FAM135B: variants seen among roughly 807,000 people sequenced by gnomAD.
FAM135B encodes the protein family with sequence similarity 135 member B.
In FAM135B, 43 loss-of-function variants were observed where a neutral mutation model predicts 127.7. The observed-to-expected ratio is 0.34, with a 90% CI of 0.26 to 0.43. The LOEUF (loss-of-function observed/expected upper bound fraction) is 0.43, where lower values mean the gene tolerates loss of function less well. Among genes scored for constraint, FAM135B ranks in the 20% least tolerant of loss-of-function variants. The pLI is 1.00. For missense variants in FAM135B, 1,558 were observed against 1,725.6 expected, an observed-to-expected ratio of 0.90 and a Z score of 1.72; for synonymous variants, 670 against 665.1, an observed-to-expected ratio of 1.01 and a Z score of -0.11.
chr8:138,289,416 A>G (rs527629540), intron 3 of FAM135B, among the ~76,000 whole-genome samples: 17 of 152,334 alleles, frequency 1.1e-4, no homozygotes, highest in South Asian at 8.3e-4. Flanking sequence ...AAACTCATTC[A>G]CTGAGCTCTG....
chr8:138,345,062 T>G (rs371731643), intron 2 of FAM135B, among the ~76,000 whole-genome samples: 8 of 152,306 alleles, frequency 5.3e-5, no homozygotes, highest in Admixed American at 6.5e-5. Flanking sequence ...GTGTCAGCAA[T>G]GCAGTTGACA....
At chr8:138,237,343 T>C (rs1420511568) in intron 7 of FAM135B, among the ~76,000 whole-genome samples, 1 of 152,024 alleles carries the variant, frequency 6.6e-6, no homozygotes, top group East Asian at 1.9e-4. Flanking sequence ...GTATTTTTAG[T>C]AGAGACGGGG....
At chr8:138,223,825 T>C (rs1819207729) in intron 7 of FAM135B, among the ~76,000 whole-genome samples, 2 of 152,144 alleles carry the variant, frequency 1.3e-5, no homozygotes, top group South Asian at 2.1e-4. Context: ...CAACATGAGG[T>C]CCATATACAA....
chr8:138,319,990 A>C (rs1827345175), intron 2 of FAM135B, among the ~76,000 whole-genome samples: 1 of 152,202 alleles, frequency 6.6e-6, no homozygotes. Context: ...ATCACCAGCC[A>C]AGGGATGCAG....
chr8:138,340,112 G>A (rs960280880), intron 2 of FAM135B, among the ~76,000 whole-genome samples: 3 of 152,280 alleles, frequency 2.0e-5, no homozygotes, highest in South Asian at 4.1e-4. Context: ...TGTCTATGGA[G>A]AGCAGGTCAC....
In FAM135B at chr8:138,474,940, G is replaced by A. The variant is rs10105770; in HGVS notation, c.-20+21731C>T. ...ACATACTACTAATCCTTAACCACCC[G>A]GTTCATTGTCAGCCTCTTGCAGGAT... On this transcript the variant is annotated intron_variant, in intron 1 of 19. Transcript: ENST00000395297. Among the ~76,000 whole-genome samples the A allele has an allele frequency of 1.2e-3, 184 of 152,150 alleles. 1 individual carries two copies. The highest frequency in any genetic ancestry group is 4.3e-3 in the African/African-American group (178 of 41,540).
At chr8:138,220,626 T>C (rs760364455) in intron 7 of FAM135B, among the ~76,000 whole-genome samples, 2 of 152,140 alleles carry the variant, frequency 1.3e-5, no homozygotes, top group Non-Finnish European at 2.9e-5. Flanking sequence ...TTGGTAAGTA[T>C]TGATGAAGAA....
intron 3 of FAM135B, 96 bp downstream of exon 3, chr8:138,310,745 G>C: frequency 9.2e-7 from 1 of 1,092,070 alleles, no homozygotes; most frequent in Non-Finnish European, 1.3e-6. Context: ...GACTGAGTAT[G>C]TCTACATGCC....
At chr8:138,431,707 C>T (rs1835195196) in intron 1 of FAM135B, among the ~76,000 whole-genome samples, 2 of 152,132 alleles carry the variant, frequency 1.3e-5, no homozygotes, top group South Asian at 4.1e-4. Context: ...TTGAGGAAGA[C>T]AATATCATGT....
intron 4 of FAM135B, among the ~76,000 whole-genome samples, chr8:138,264,787 G>A (rs933095731): frequency 6.6e-6 from 1 of 152,168 alleles, no homozygotes; most frequent in East Asian, 1.9e-4. Flanking sequence ...TGGACAAAAA[G>A]CCAAGAAGCC....
At chr8:138,447,691 G>C (rs1836262471) in intron 1 of FAM135B, among the ~76,000 whole-genome samples, 1 of 151,888 alleles carries the variant, frequency 6.6e-6, no homozygotes, top group African/African-American at 2.4e-5. Flanking sequence ...ATAGCATTAG[G>C]AGATATACCT....
intron 12 of FAM135B, among the ~76,000 whole-genome samples, chr8:138,162,816 C>A (rs7007481): frequency 0.81 from 123,876 of 152,096 alleles, 50,792 homozygotes; most frequent in East Asian, 1. Context: ...GGGTGTATGA[C>A]GTCAGACAGA....
At chr8:138,223,242 A>G (rs1819169516) in intron 7 of FAM135B, among the ~76,000 whole-genome samples, 1 of 152,234 alleles carries the variant, frequency 6.6e-6, no homozygotes, top group South Asian at 2.1e-4. Flanking sequence ...ACCAGGGCCC[A>G]TTTATGAGAA....
intron 3 of FAM135B, among the ~76,000 whole-genome samples, chr8:138,291,400 T>G (rs896542165): frequency 6.6e-6 from 1 of 151,996 alleles, no homozygotes; most frequent in African/African-American, 2.4e-5. Flanking sequence ...CTCAAACTCT[T>G]CCAAAAAAAT....
intron 11 of FAM135B, among the ~76,000 whole-genome samples, chr8:138,170,941 C>G (rs1461150463): frequency 6.6e-6 from 1 of 152,128 alleles, no homozygotes; most frequent in Admixed American, 6.5e-5. Flanking sequence ...TTCCCCTGCC[C>G]TTAGATGTCA....
chr8:138,473,972 C>T (rs1327193366), intron 1 of FAM135B, among the ~76,000 whole-genome samples: 1 of 152,112 alleles, frequency 6.6e-6, no homozygotes, highest in African/African-American at 2.4e-5. Flanking sequence ...CCTTGGGATA[C>T]ATTTGTTTGT....
chr8:138,252,062 G>A (rs1452326402), intron 5 of FAM135B, among the ~76,000 whole-genome samples: 2 of 152,192 alleles, frequency 1.3e-5, no homozygotes, highest in East Asian at 1.9e-4. Context: ...AGCTCAGGGT[G>A]ACTCCATAGA....
intron 11 of FAM135B, among the ~76,000 whole-genome samples, chr8:138,172,520 A>C (rs555748851): frequency 3.3e-5 from 5 of 152,342 alleles, no homozygotes; most frequent in African/African-American, 1.2e-4. Context: ...TACTTGGTCA[A>C]ATCAGGAACT....
intron 1 of FAM135B, among the ~76,000 whole-genome samples, chr8:138,397,075 C>T (rs921670626): frequency 1.3e-5 from 2 of 152,180 alleles, no homozygotes; most frequent in African/African-American, 2.4e-5. Context: ...AACCACCTAA[C>T]CAGGTAGTCA....
Sources: allele counts gnomAD v4.1 joint callset (sites outside exome capture counted in the v4.1 genomes callset), GRCh38; gene constraint gnomAD v4.1.1; transcripts MANE v1.5; gene names NCBI Gene and HGNC (gene_info 2026-07-23, HGNC 2026-07-21).